CSMD1: variants seen among roughly 807,000 people sequenced by gnomAD.
CSMD1 encodes the protein CUB and sushi domain-containing protein 1.
A neutral mutation model predicts 417.5 loss-of-function variants in CSMD1; 213 were observed. That is an observed-to-expected ratio of 0.51 (90% CI 0.46 to 0.57). CSMD1 has a LOEUF of 0.57. CSMD1 is among the 20% of genes least tolerant of loss of function. CSMD1 has a pLI of 0.00. For missense variants in CSMD1, 6,923 were observed against 4,529.7 expected (o/e 1.53, Z -15.17); for synonymous variants, 2,862 against 1,736.8 (o/e 1.65, Z -16.11).
chr8:4,451,826 G>C (rs1352671599), intron 2 of CSMD1, among the ~76,000 whole-genome samples: 2 of 151,950 alleles, frequency 1.3e-5, no homozygotes, highest in Non-Finnish European at 2.9e-5. Flanking sequence ...TTACCACAGT[G>C]AGTTTTGTTT....
chr8:3,120,738 T>G (rs984224281), intron 41 of CSMD1, among the ~76,000 whole-genome samples: 2 of 151,880 alleles, frequency 1.3e-5, no homozygotes, highest in African/African-American at 2.4e-5. Context: ...TCCCAGCTAC[T>G]TGGGAGGCTG....
At chr8:4,783,824 G>A (rs1293144362) in intron 1 of CSMD1, among the ~76,000 whole-genome samples, 1 of 152,148 alleles carries the variant, frequency 6.6e-6, no homozygotes, top group Admixed American at 6.6e-5. Flanking sequence ...CCAGCCTAAG[G>A]AAAACATTCT....
chr8:4,186,027 G>C (rs1019917890), intron 3 of CSMD1, among the ~76,000 whole-genome samples: 1 of 152,096 alleles, frequency 6.6e-6, no homozygotes, highest in Non-Finnish European at 1.5e-5. Flanking sequence ...CAAATCCCTA[G>C]GTACATAGTG....
chr8:3,380,336 C>G (rs1412951569), intron 18 of CSMD1, among the ~76,000 whole-genome samples: 1 of 152,154 alleles, frequency 6.6e-6, no homozygotes, highest in Non-Finnish European at 1.5e-5. Flanking sequence ...TGTGGTGATT[C>G]CTCAAGGATC....
chr8:2,978,286 G>A (rs1016744740), intron 55 of CSMD1, among the ~76,000 whole-genome samples: 7 of 152,200 alleles, frequency 4.6e-5, no homozygotes, highest in Non-Finnish European at 8.8e-5. Context: ...TGTCTGAGCT[G>A]TGTGGACCAG....
At chr8:4,932,104 T>G (rs114744055) in intron 1 of CSMD1, among the ~76,000 whole-genome samples, 205 of 152,326 alleles carry the variant, frequency 1.3e-3, no homozygotes, top group African/African-American at 4.7e-3. Flanking sequence ...CAATTTTCAT[T>G]TGGAATCTTT....
At chr8:3,267,174 C>CT in intron 26 of CSMD1, among the ~76,000 whole-genome samples, 1 of 152,208 alleles carries the variant, frequency 6.6e-6, no homozygotes, top group East Asian at 1.9e-4. Flanking sequence ...AGGACCACCA[C>CT]TGCCTGGGAG....
chr8:3,667,674 T>A (rs762897137), intron 7 of CSMD1, among the ~76,000 whole-genome samples: 3 of 152,176 alleles, frequency 2.0e-5, no homozygotes, highest in Admixed American at 6.5e-5. Flanking sequence ...AGAGCAGTTG[T>A]CCACGCATGG....
intron 10 of CSMD1, among the ~76,000 whole-genome samples, chr8:3,563,687 G>A (rs1002369435): frequency 6.6e-6 from 1 of 152,008 alleles, no homozygotes. Context: ...TCAGGAGTTC[G>A]AGACCAGCCT....
intron 3 of CSMD1, among the ~76,000 whole-genome samples, chr8:4,398,819 ATTTTC>A (rs1168038375): frequency 6.6e-6 from 1 of 152,184 alleles, no homozygotes; most frequent in Non-Finnish European, 1.5e-5. Context: ...CTTGTGTGGT[ATTTTC>A]TTTTCAAGGT....
chr8:4,375,367 G>T (rs945981458), intron 3 of CSMD1, among the ~76,000 whole-genome samples: 3 of 152,082 alleles, frequency 2.0e-5, no homozygotes, highest in African/African-American at 7.2e-5. Flanking sequence ...CCACACAGGG[G>T]CACTTTTGAG....
chr8:4,684,225 T>C (rs1198395387), intron 1 of CSMD1, among the ~76,000 whole-genome samples: 4 of 152,242 alleles, frequency 2.6e-5, no homozygotes, highest in African/African-American at 9.6e-5. Flanking sequence ...GTGGATTTTC[T>C]TCTTTATACT....
chr8:3,423,583 C>T (rs947744230), intron 12 of CSMD1, among the ~76,000 whole-genome samples: 2 of 152,106 alleles, frequency 1.3e-5, no homozygotes, highest in East Asian at 1.9e-4. Context: ...CACCAGCTGA[C>T]TCAATGGTCC....
At chr8:3,609,877 G>C (rs1314241796) in intron 8 of CSMD1, among the ~76,000 whole-genome samples, 1 of 120,598 alleles carries the variant, frequency 8.3e-6, no homozygotes, top group African/African-American at 3.1e-5. Flanking sequence ...GAAGTGAAGT[G>C]GTGCGATCTC....
intron 3 of CSMD1, among the ~76,000 whole-genome samples, chr8:4,174,057 G>T (rs1797908398): frequency 2.0e-5 from 3 of 152,248 alleles, no homozygotes; most frequent in African/African-American, 7.2e-5. Context: ...TTAGGCCTGG[G>T]CCACCTGCCT....
At chr8:3,723,513 G>A (rs900312914) in intron 6 of CSMD1, among the ~76,000 whole-genome samples, 3 of 152,108 alleles carry the variant, frequency 2.0e-5, no homozygotes, top group African/African-American at 7.2e-5. Flanking sequence ...TCATAGTTGG[G>A]CATTTAGTCA....
chr8:3,546,428 T>G (rs1289870974), intron 10 of CSMD1, among the ~76,000 whole-genome samples: 2 of 151,656 alleles, frequency 1.3e-5, no homozygotes, highest in South Asian at 2.1e-4. Context: ...CCCAGCTACT[T>G]GGGAGGCTGA....
intron 50 of CSMD1, among the ~76,000 whole-genome samples, chr8:3,050,640 C>T (rs974748812): frequency 1.3e-5 from 2 of 151,998 alleles, no homozygotes; most frequent in African/African-American, 2.4e-5. Flanking sequence ...AAAATAGTAC[C>T]GTCTTAAATA....
At chr8:4,208,225 A>G (rs1346073746) in intron 3 of CSMD1, among the ~76,000 whole-genome samples, 5 of 152,176 alleles carry the variant, frequency 3.3e-5, no homozygotes, top group Admixed American at 3.3e-4. Flanking sequence ...TCTTGCTTTG[A>G]AAGGTAACTG....
Sources: gnomAD v4.1 joint callset for allele counts (sites outside exome capture counted in the v4.1 genomes callset) on GRCh38, gnomAD v4.1.1 for gene constraint, MANE v1.5 for transcripts, NCBI Gene and HGNC (gene_info 2026-07-23, HGNC 2026-07-21) for gene names.